BCKDHB: variants seen among roughly 807,000 people sequenced by gnomAD.
BCKDHB encodes 2-oxoisovalerate dehydrogenase subunit beta, mitochondrial.
BCKDHB carries 41 observed loss-of-function variants against 48.5 expected under a neutral mutation model. The observed-to-expected ratio is 0.85, with a 90% CI of 0.66 to 1.10. BCKDHB has a LOEUF of 1.10. BCKDHB is among the 50% of genes least tolerant of loss of function. The pLI, the probability that BCKDHB is intolerant of heterozygous loss-of-function variation, is 0.00. For synonymous variants in BCKDHB, 201 were observed against 174.8 expected, an observed-to-expected ratio of 1.15 and a Z score of -1.18; for missense variants, 496 against 494.2, an observed-to-expected ratio of 1.00 and a Z score of -0.03.
chr6:80,187,984 C>T (rs1270846635), intron 6 of BCKDHB, among the ~76,000 whole-genome samples: 1 of 152,064 alleles, frequency 6.6e-6, no homozygotes. Flanking sequence ...TGAATATATG[C>T]CCAAAGGAAT....
chr6:80,207,501 A>G (rs1054041991), intron 8 of BCKDHB, among the ~76,000 whole-genome samples: 1 of 151,882 alleles, frequency 6.6e-6, no homozygotes, highest in Non-Finnish European at 1.5e-5. Context: ...TAGATAACAG[A>G]TGATAAGATG....
intron 8 of BCKDHB, among the ~76,000 whole-genome samples, chr6:80,260,529 C>T (rs1777255447): frequency 6.6e-6 from 1 of 152,060 alleles, no homozygotes; most frequent in South Asian, 2.1e-4. Flanking sequence ...AGCTTCAGAG[C>T]CATAGAATCC....
intron 3 of BCKDHB, among the ~76,000 whole-genome samples, chr6:80,135,011 C>T (rs1770816009): frequency 1.3e-5 from 2 of 152,128 alleles, no homozygotes; most frequent in South Asian, 4.1e-4. Context: ...CTTGGCCTCC[C>T]AAAGTGCTGG....
intron 1 of BCKDHB, among the ~76,000 whole-genome samples, chr6:80,116,615 T>A (rs1291167774): frequency 6.6e-6 from 1 of 152,234 alleles, no homozygotes; most frequent in Non-Finnish European, 1.5e-5. Context: ...TTAGTACAAT[T>A]TCAATTAAAC....
intron 8 of BCKDHB, among the ~76,000 whole-genome samples, chr6:80,213,926 G>A (rs973414441): frequency 1.3e-5 from 2 of 152,152 alleles, no homozygotes; most frequent in African/African-American, 4.8e-5. Context: ...TAGGGGAAAG[G>A]AGCTAGAAGT....
At chr6:80,110,719 A>G (rs1769367326) in intron 1 of BCKDHB, among the ~76,000 whole-genome samples, 1 of 152,240 alleles carries the variant, frequency 6.6e-6, no homozygotes, top group Non-Finnish European at 1.5e-5. Context: ...TGGATCTGCC[A>G]CCAATGGGTG....
At chr6:80,436,398 G>A in the BCKDHB span, among the ~76,000 whole-genome samples, 2 of 151,842 alleles carry the variant, frequency 1.3e-5, no homozygotes, top group East Asian at 1.9e-4. Flanking sequence ...TCCTGACCTC[G>A]TGATCCACCC....
chr6:80,218,151 A>G (rs1775256793), intron 8 of BCKDHB, among the ~76,000 whole-genome samples: 1 of 152,006 alleles, frequency 6.6e-6, no homozygotes, highest in Non-Finnish European at 1.5e-5. Flanking sequence ...CTCACTGGAA[A>G]CACATTTCAT....
At chr6:80,367,782 T>C in the BCKDHB span, among the ~76,000 whole-genome samples, 2 of 152,112 alleles carry the variant, frequency 1.3e-5, no homozygotes, top group African/African-American at 4.8e-5. Context: ...GTGAGTCCAC[T>C]GGAATTCTGT....
intron 9 of BCKDHB, among the ~76,000 whole-genome samples, chr6:80,314,917 T>C (rs1768359239): frequency 6.6e-6 from 1 of 152,170 alleles, no homozygotes; most frequent in Non-Finnish European, 1.5e-5. Context: ...GACTCGCTGC[T>C]CATCCAGACC....
At chr6:80,278,705 C>T (rs1778068237) in intron 9 of BCKDHB, among the ~76,000 whole-genome samples, 4 of 152,108 alleles carry the variant, frequency 2.6e-5, no homozygotes, top group Admixed American at 2.0e-4. Context: ...ATTACAGGCA[C>T]CTGCCACCCT....
the BCKDHB span, among the ~76,000 whole-genome samples, chr6:80,433,611 G>C: frequency 6.6e-6 from 1 of 152,162 alleles, no homozygotes; most frequent in South Asian, 2.1e-4. Flanking sequence ...GTGGGGGTGG[G>C]ACCCATTGAA....
intron 9 of BCKDHB, among the ~76,000 whole-genome samples, chr6:80,295,220 T>C (rs886284378): frequency 2.8e-4 from 42 of 152,206 alleles, no homozygotes; most frequent in Non-Finnish European, 4.7e-4. Context: ...TTTACTGTAT[T>C]AGTGTGTTCT....
At chr6:80,172,717 A>G (rs1386719583) in intron 6 of BCKDHB, among the ~76,000 whole-genome samples, 1 of 152,128 alleles carries the variant, frequency 6.6e-6, no homozygotes, top group Non-Finnish European at 1.5e-5. Flanking sequence ...TTCATGGCCC[A>G]TGCAACTGGG....
At chr6:80,265,603 T>C (rs1777481848) in intron 8 of BCKDHB, among the ~76,000 whole-genome samples, 1 of 152,042 alleles carries the variant, frequency 6.6e-6, no homozygotes, top group African/African-American at 2.4e-5. Flanking sequence ...GGAAGATAGA[T>C]AAGGACTAGA....
intron 6 of BCKDHB, among the ~76,000 whole-genome samples, chr6:80,173,960 G>A (rs181524718): frequency 6.6e-6 from 1 of 152,098 alleles, no homozygotes; most frequent in East Asian, 1.9e-4. Flanking sequence ...GATTGAGGAG[G>A]CCTCTGGAAG....
the BCKDHB span, among the ~76,000 whole-genome samples, chr6:80,429,623 C>G: frequency 2.0e-5 from 3 of 152,138 alleles, no homozygotes; most frequent in Admixed American, 6.5e-5. Context: ...GTATTTTATT[C>G]TCTTAGCAGC....
intron 9 of BCKDHB, among the ~76,000 whole-genome samples, chr6:80,341,611 A>G (rs1347271485): frequency 6.6e-6 from 1 of 152,228 alleles, no homozygotes; most frequent in Admixed American, 6.5e-5. Flanking sequence ...GTTAGTCATT[A>G]TGCTGAAAGG....
the BCKDHB span, among the ~76,000 whole-genome samples, chr6:80,440,539 C>T: frequency 6.6e-6 from 1 of 151,906 alleles, no homozygotes; most frequent in Non-Finnish European, 1.5e-5. Flanking sequence ...TGATCAGTCT[C>T]TTCTCTGCTC....
Sources: gnomAD v4.1 joint callset for allele counts (sites outside exome capture counted in the v4.1 genomes callset) on GRCh38, gnomAD v4.1.1 for gene constraint, MANE v1.5 for transcripts, NCBI Gene and HGNC (gene_info 2026-07-23, HGNC 2026-07-21) for gene names.